SPMIP11: variants seen among roughly 807,000 people sequenced by gnomAD.
SPMIP11 encodes sperm microtubule inner protein 11, also known as long intergenic non-protein coding RNA 935.
the SPMIP11 span, chr12:48,759,349 G>C: frequency 2.8e-6 from 2 of 702,400 alleles, no homozygotes; most frequent in Admixed American, 2.0e-5. Flanking sequence ...CCTTGGGGTG[G>C]GCATCATGCT....
chr12:48,760,249 C>T, the SPMIP11 span, among the ~76,000 whole-genome samples: 1 of 152,176 alleles, frequency 6.6e-6, no homozygotes, highest in Admixed American at 6.5e-5. Context: ...TCATAGCTCA[C>T]TGCAGCCTCG....
the SPMIP11 span, among the ~76,000 whole-genome samples, chr12:48,759,539 T>C: frequency 2.0e-5 from 3 of 151,716 alleles, no homozygotes; most frequent in East Asian, 5.8e-4. Context: ...ATACAAAAAT[T>C]AGCCGGGCAT....
At chr12:48,764,278 C>A in the SPMIP11 span, among the ~76,000 whole-genome samples, 1 of 152,096 alleles carries the variant, frequency 6.6e-6, no homozygotes, top group East Asian at 1.9e-4. Flanking sequence ...CGTGAGCCAC[C>A]GTGCCCAGCC....
chr12:48,730,691 A>T, the SPMIP11 span, among the ~76,000 whole-genome samples: 2 of 152,186 alleles, frequency 1.3e-5, no homozygotes, highest in Non-Finnish European at 2.9e-5. Flanking sequence ...TAATCCCAGC[A>T]CTTTGGGAGG....
At chr12:48,764,841 A>C in the SPMIP11 span, 1 of 702,186 alleles carries the variant, frequency 1.4e-6, no homozygotes, top group East Asian at 2.7e-5. Flanking sequence ...CCTTCCCCCC[A>C]CCCATTCAGT....
the SPMIP11 span, among the ~76,000 whole-genome samples, chr12:48,727,784 G>A: frequency 1.3e-5 from 2 of 152,100 alleles, no homozygotes; most frequent in Admixed American, 1.3e-4. Context: ...AGGTGCAGTA[G>A]CTCACATGCA....
At chr12:48,759,397 G>T in the SPMIP11 span, 1 of 692,846 alleles carries the variant, frequency 1.4e-6, no homozygotes, top group African/African-American at 1.8e-5. Context: ...CTAAAGAATG[G>T]CTGGGATGAG....
chr12:48,766,513 C>G, the SPMIP11 span: 1 of 152,688 alleles, frequency 6.5e-6, no homozygotes, highest in Non-Finnish European at 1.5e-5. Flanking sequence ...CCCATGGCAC[C>G]AAGTAGTCTC....
At chr12:48,768,812 C>T in the SPMIP11 span, 2 of 1,557,314 alleles carry the variant, frequency 1.3e-6, no homozygotes, top group South Asian at 1.2e-5. Context: ...CTCCCTTCCC[C>T]CAGTCCCTGC....
chr12:48,759,400 G>T, the SPMIP11 span: 9 of 691,642 alleles, frequency 1.3e-5, no homozygotes, highest in Admixed American at 1.8e-4. Flanking sequence ...AAGAATGGCT[G>T]GGATGAGGCC....
the SPMIP11 span, among the ~76,000 whole-genome samples, chr12:48,728,084 A>G: frequency 3.3e-5 from 5 of 152,154 alleles, no homozygotes; most frequent in Admixed American, 1.3e-4. Flanking sequence ...GTTCAACCAA[A>G]TAAGTGTATT....
the SPMIP11 span, among the ~76,000 whole-genome samples, chr12:48,729,707 TAAA>T: frequency 1.2e-3 from 140 of 112,440 alleles, 1 homozygote; most frequent in African/African-American, 4.0e-3. Flanking sequence ...AGACTCCGTC[TAAA>T]AAAAAAAAAA....
At chr12:48,765,642 T>G in the SPMIP11 span, 1 of 703,002 alleles carries the variant, frequency 1.4e-6, no homozygotes, top group Non-Finnish European at 2.6e-6. Flanking sequence ...GACAGGACCT[T>G]CAGTCTGTAT....
the SPMIP11 span, chr12:48,765,720 T>C: frequency 1.4e-6 from 1 of 700,406 alleles, no homozygotes; most frequent in Admixed American, 2.0e-5. Context: ...AAGAAGGAGG[T>C]TTCCCAGTTC....
At chr12:48,728,444 C>T in the SPMIP11 span, among the ~76,000 whole-genome samples, 1 of 152,166 alleles carries the variant, frequency 6.6e-6, no homozygotes, top group African/African-American at 2.4e-5. Flanking sequence ...TGCGGTGGCT[C>T]ACGCCTGTAA....
At chr12:48,769,790 C>A in the SPMIP11 span, among the ~76,000 whole-genome samples, 100 of 142,636 alleles carry the variant, frequency 7.0e-4, no homozygotes, top group African/African-American at 2.4e-3. Flanking sequence ...GGGACAGAGT[C>A]TCGCTCTGTC....
chr12:48,743,928 C>T, the SPMIP11 span, among the ~76,000 whole-genome samples: 68 of 80,762 alleles, frequency 8.4e-4, no homozygotes, highest in African/African-American at 4.1e-3. Flanking sequence ...AGCAAGACTT[C>T]GTCTCAAAAA....
the SPMIP11 span, among the ~76,000 whole-genome samples, chr12:48,755,339 A>T: frequency 6.6e-6 from 1 of 152,192 alleles, no homozygotes; most frequent in Non-Finnish European, 1.5e-5. Flanking sequence ...CATGGCGTTA[A>T]CTGGGTGGAT....
chr12:48,752,623 T>C, the SPMIP11 span, among the ~76,000 whole-genome samples: 1 of 152,072 alleles, frequency 6.6e-6, no homozygotes, highest in African/African-American at 2.4e-5. Flanking sequence ...TTTCCTTTGC[T>C]GAATCTCTCT....
Sources: gnomAD v4.1 joint callset for allele counts (sites outside exome capture counted in the v4.1 genomes callset) on GRCh38, gnomAD v4.1.1 for gene constraint, MANE v1.5 for transcripts, NCBI Gene and HGNC (gene_info 2026-07-23, HGNC 2026-07-21) for gene names.